The following SPPL2B variants were observed in gnomAD, a reference collection of about 807,000 sequenced individuals.
SPPL2B encodes the protein signal peptide peptidase-like 2B.
A neutral mutation model predicts 59.7 loss-of-function variants in SPPL2B; 39 were observed. The ratio of observed to expected loss-of-function variants is 0.65; its 90% CI spans 0.51 to 0.85. The LOEUF is 0.85. SPPL2B is among the 40% of genes least tolerant of loss of function. SPPL2B has a pLI of 0.00. For missense variants in SPPL2B, 865 were observed against 849.0 expected, an observed-to-expected ratio of 1.02 and a Z score of -0.23; for synonymous variants, 419 against 370.8, an observed-to-expected ratio of 1.13 and a Z score of -1.49.
chr19:2,351,355 C>A, intron 13 of SPPL2B, 79 bp from the exon 14 acceptor site: 1 of 1,240,290 alleles, frequency 8.1e-7, no homozygotes, highest in Non-Finnish European at 1.1e-6. Context: ...CCAACCCCAG[C>A]CCGCTCACGT....
At chr19:2,339,320 T>G (rs1249345569) in intron 5 of SPPL2B, 112 bp downstream of exon 5, 6 of 1,261,568 alleles carry the variant, frequency 4.8e-6, no homozygotes, top group East Asian at 5.1e-5. Flanking sequence ...CAGGCACGGC[T>G]CGCCCCGTGG....
In SPPL2B at chr19:2,332,092, ACT is replaced by A. The variant is rs1968320757; in HGVS notation, c.67-2507_67-2506del. Among the ~76,000 whole-genome samples, 1 of 151,910 alleles carries A rather than the reference ACT, an allele frequency of 6.6e-6. No individual in the cohort carries two copies. The highest frequency in any genetic ancestry group is 2.4e-5 in the African/African-American group (1 of 41,318). ...CAGAACTGGAAAGAAAGGGCTCCTG[ACT>A]CTGCCTGGGCTCTGGGGGAGGTCAC... On this transcript the variant is annotated intron_variant, in intron 1 of 14. Coordinates refer to ENST00000613503, the MANE Select transcript of SPPL2B (RefSeq NM_152988.3). This position sits in a 1 kb window ranked among gnomAD's most constrained non-coding sequence, Gnocchi z 4.6.
chr19:2,338,707 C>A, intron 3 of SPPL2B, 45 bp from the exon 4 acceptor site: 1 of 1,382,820 alleles, frequency 7.2e-7, no homozygotes, highest in Non-Finnish European at 1.0e-6. Flanking sequence ...GGGGCCCACC[C>A]ACTGCTGCGG....
In SPPL2B at chr19:2,341,868, C is replaced by CA; in HGVS notation, c.956+855dup. On this transcript the variant is annotated intron_variant, in intron 8 of 14. Transcript: ENST00000613503. The stretch of plus-strand genomic sequence containing the variant: ...GATCCCAGCATTTGGTAGGCCAAGG[C>CA]AGGACGATCACTTTGCCCAGGAGTT... 1.6e-5 allele frequency: 5 copies of CA among 309,380 alleles called. 1 individual carries two copies. Among genetic ancestry groups the CA allele is most frequent in the South Asian group, 1.0e-4 (4 of 38,908 alleles). The allele number at this position is 309,380 out of a possible 1,614,324, so 19.2% of individuals were successfully genotyped here. A position where few individuals can be genotyped will look rare whatever the true frequency, so the allele number is the denominator to read the frequency against.
chr19:2,339,745 C>G (rs1367645859), intron 5 of SPPL2B, 79 bp from the exon 6 acceptor site: 6 of 1,529,692 alleles, frequency 3.9e-6, no homozygotes, highest in Non-Finnish European at 5.3e-6. Context: ...TGCCCCGTTC[C>G]CCCGGGTGGC....
At chr19:2,346,528 A>G (rs1370748996) in intron 13 of SPPL2B, among the ~76,000 whole-genome samples, 2 of 152,182 alleles carry the variant, frequency 1.3e-5, no homozygotes, top group Non-Finnish European at 2.9e-5. Flanking sequence ...TTAGCCGGGC[A>G]TGGTGACATG....
intron 2 of SPPL2B, among the ~76,000 whole-genome samples, chr19:2,336,445 G>A (rs569670853): frequency 1.3e-5 from 2 of 152,202 alleles, no homozygotes; most frequent in Admixed American, 1.3e-4. Context: ...ATGTGTATGT[G>A]CCTGTGTGTT....
intron 1 of SPPL2B, among the ~76,000 whole-genome samples, chr19:2,333,637 C>T (rs1425226965): frequency 6.6e-6 from 1 of 152,240 alleles, no homozygotes; most frequent in African/African-American, 2.4e-5. Context: ...GAGAGCGTGG[C>T]AAGGGCCCCA....
In SPPL2B at chr19:2,354,255, A is replaced by C. The variant is rs1970073412; in HGVS notation, c.*1046A>C. On this transcript the variant is annotated 3_prime_UTR_variant, in exon 15 of 15. Transcript: ENST00000613503. ...AGGACATCTGCCACTGGCATGGTCT[A>C]CTCACTGATGGGGTCCTCCTGACTC... 1 of 152,106 alleles carries C rather than the reference A, an allele frequency of 6.6e-6. No individual in the cohort carries two copies. Among genetic ancestry groups the C allele is most frequent in the Admixed American group, 6.5e-5 (1 of 15,272 alleles). The allele number at this position is 152,106 out of a possible 1,614,324, so 9.4% of individuals were successfully genotyped here. A position where few individuals can be genotyped will look rare whatever the true frequency, so the allele number is the denominator to read the frequency against.
chr19:2,344,324 CAT>C (rs1555754728), intron 10 of SPPL2B, 36 bp from the exon 11 acceptor site: 5 of 1,347,510 alleles, frequency 3.7e-6, no homozygotes, highest in Non-Finnish European at 5.1e-6. Flanking sequence ...CCCCCCACCC[CAT>C]CACCACGCTC....
rs1355951336 is a variant in SPPL2B at position 2,349,839 on chromosome 19, ACACT to A, written c.1355-1591_1355-1588del. The stretch of plus-strand genomic sequence containing the variant: ...TTGACTCTGTTCTCTCTCTCCACAC[ACACT>A]CACGCTCTCATTCGCTTGATTCCGT... On this transcript the variant is annotated intron_variant, in intron 13 of 14. Transcript: ENST00000613503. Among the ~76,000 whole-genome samples the A allele has an allele frequency of 2.6e-3, 372 of 145,098 alleles. 5 individuals carry two copies. The highest frequency in any genetic ancestry group is 8.0e-3 in the African/African-American group (302 of 37,828).
chr19:2,338,951 G>A, intron 4 of SPPL2B, 110 bp downstream of exon 4: 1 of 1,493,556 alleles, frequency 6.7e-7, no homozygotes, highest in East Asian at 2.5e-5. Context: ...GGTGGTGGGT[G>A]AGGCGTGGCC....
At chr19:2,343,679 A>G (rs573715478) in intron 9 of SPPL2B, among the ~76,000 whole-genome samples, 1 of 152,208 alleles carries the variant, frequency 6.6e-6, no homozygotes, top group Non-Finnish European at 1.5e-5. Context: ...AATGCCCAGG[A>G]TGGCCCTCTG....
intron 3 of SPPL2B, 127 bp downstream of exon 3, chr19:2,337,752 G>A (rs1275729045): frequency 2.0e-6 from 2 of 994,006 alleles, no homozygotes; most frequent in African/African-American, 1.6e-5. Context: ...TCTGTGGGGA[G>A]GATCTGGGCC....
At chr19:2,345,232 T>A in intron 12 of SPPL2B, 21 bp from the exon 13 acceptor site, 1 of 1,610,890 alleles carries the variant, frequency 6.2e-7, no homozygotes, top group Non-Finnish European at 8.5e-7. Flanking sequence ...CGAGTAAGCC[T>A]CCGCCCTGTG....
rs1365233205 is a variant in SPPL2B, at chr19:2,351,545, C to T, written c.1466C>T (p.Ala489Val). Residue 489 changes from alanine (A) to valine (V), a missense_variant, in exon 14 of 15, where the codon GCG (alanine) becomes GTG (valine). Transcript: ENST00000613503. ...PCTLVTSCAV[A>V]LWRRELGVFW... ...ACGCTGGTGACGAGCTGCGCTGTGG[C>T]GCTCTGGCGCCGGGAGCTGGGCGTG... 5.6e-6 allele frequency: 9 copies of T among 1,611,136 alleles called. No homozygotes were observed. Among genetic ancestry groups the T allele is most frequent in the East Asian group, 2.2e-5 (1 of 44,880 alleles).
At chr19:2,338,412 G>A (rs935512239) in intron 3 of SPPL2B, 2 of 205,522 alleles carry the variant, frequency 9.7e-6, no homozygotes, top group African/African-American at 2.3e-5. Flanking sequence ...TGGGTGCGGG[G>A]CTCAAGGCGG....
In SPPL2B at chr19:2,340,962, C is replaced by T. The variant is rs758848762; in HGVS notation, c.904C>T (p.Leu302Phe). 1.2e-6 allele frequency: 2 copies of T among 1,604,658 alleles called. No homozygotes were observed. The highest frequency in any genetic ancestry group is 1.1e-5 in the South Asian group (1 of 91,076). The part of the protein sequence containing the change: ...RPQARMLLLA[L>F]FCVAVSVVWG... Reference sequence around the variant, plus strand: ...GCAGGCCCGTATGCTGCTCCTGGCGCTCTTCTGCGTGGCCGTCAGCGTGGT... The same window carrying T: ...GCAGGCCCGTATGCTGCTCCTGGCGTTCTTCTGCGTGGCCGTCAGCGTGGT... The change falls in exon 8 of 15, where the codon CTC becomes TTC. Residue 302 changes from leucine to phenylalanine, a missense_variant. Coordinates refer to ENST00000613503, the MANE Select transcript of SPPL2B (RefSeq NM_152988.3).
rs764548220 is a variant in SPPL2B at position 2,337,617 on chromosome 19, G to A, written c.361G>A (p.Glu121Lys). The change falls in exon 3 of 15, where the codon GAG becomes AAG. Residue 121 changes from glutamate (E) to lysine (K), a missense_variant. Glu to Lys is a moderately conservative substitution (Grantham distance 56). Coordinates refer to ENST00000613503, the MANE Select transcript of SPPL2B (RefSeq NM_152988.3). ...GARGLLIVSR[E>K]RLVPPGGNKT... ...ACGCGGGCTGCTCATCGTCAGCAGG[G>A]AGAGGCTGGTACGGCCCTGTGCGTC... The A allele has an allele frequency of 5.1e-5, 80 of 1,581,568 alleles. No homozygotes were observed. Among genetic ancestry groups the A allele is most frequent in the Non-Finnish European group, 6.6e-5 (77 of 1,162,404 alleles).
Sources: gnomAD v4.1 joint callset for allele counts (sites outside exome capture counted in the v4.1 genomes callset) on GRCh38, gnomAD v4.1.1 for gene constraint, Gnocchi (gnomAD v3.1) non-coding constraint, MANE v1.5 for transcripts, NCBI Gene and HGNC (gene_info 2026-07-23, HGNC 2026-07-21) for gene names.